Variants in FBXW11 observed in about 807,000 individuals in gnomAD.
FBXW11 encodes F-box/WD repeat-containing protein 11.
Under a neutral mutation model 77.6 loss-of-function variants are expected in FBXW11, and 19 were observed. The observed-to-expected ratio is 0.24, with a 90% CI of 0.17 to 0.36. The LOEUF (loss-of-function observed/expected upper bound fraction) is 0.36. Among genes scored for constraint, FBXW11 ranks in the 10% least tolerant of loss-of-function variants. The pLI is 1.00. For missense variants in FBXW11, 334 were observed against 704.2 expected, an observed-to-expected ratio of 0.47 and a Z score of 5.95; for synonymous variants, 235 against 249.4, an observed-to-expected ratio of 0.94 and a Z score of 0.54.
chr5:171,975,436 T>C (rs986188900), intron 1 of FBXW11, among the ~76,000 whole-genome samples: 7 of 152,176 alleles, frequency 4.6e-5, no homozygotes, highest in African/African-American at 1.4e-4. Context: ...TCAGGCTCTC[T>C]CGAGTGCTGC....
At chr5:171,935,828 G>C (rs1762446675) in intron 2 of FBXW11, among the ~76,000 whole-genome samples, 1 of 152,072 alleles carries the variant, frequency 6.6e-6, no homozygotes, top group Admixed American at 6.6e-5. Context: ...AAACAAGTCT[G>C]AGCCAGGTGT....
intron 1 of FBXW11, among the ~76,000 whole-genome samples, chr5:171,964,677 T>C (rs1236353374): frequency 2.0e-5 from 3 of 152,202 alleles, no homozygotes; most frequent in South Asian, 2.1e-4. Flanking sequence ...TGGCAACCTA[T>C]AAGAAAGAGC....
At chr5:171,988,578 C>A (rs1227304482) in intron 1 of FBXW11, among the ~76,000 whole-genome samples, 10 of 152,188 alleles carry the variant, frequency 6.6e-5, no homozygotes. Context: ...GGCACGGTGG[C>A]TCACGCCTGT....
chr5:171,925,196 C>G (rs1561689378), intron 2 of FBXW11, among the ~76,000 whole-genome samples: 1 of 152,192 alleles, frequency 6.6e-6, no homozygotes, highest in Non-Finnish European at 1.5e-5. Flanking sequence ...CACACACACA[C>G]TAGGTATAAA....
At chr5:171,875,586 A>G (rs941177734) in intron 9 of FBXW11, among the ~76,000 whole-genome samples, 4 of 152,216 alleles carry the variant, frequency 2.6e-5, no homozygotes, top group African/African-American at 9.7e-5. Context: ...AAAATGTTCA[A>G]TCTTATGGCA....
intron 2 of FBXW11, among the ~76,000 whole-genome samples, chr5:171,939,246 A>C (rs1478336518): frequency 2.0e-5 from 3 of 152,106 alleles, no homozygotes; most frequent in Admixed American, 2.0e-4. Flanking sequence ...AAAATAAATA[A>C]ACCAAAAATA....
intron 1 of FBXW11, among the ~76,000 whole-genome samples, chr5:171,986,007 G>T (rs1478001918): frequency 1.3e-5 from 2 of 152,120 alleles, no homozygotes; most frequent in African/African-American, 4.8e-5. Flanking sequence ...GGTCTCATAG[G>T]AGTTACGTAC....
intron 1 of FBXW11, among the ~76,000 whole-genome samples, chr5:171,999,964 T>C (rs1350250886): frequency 6.6e-6 from 1 of 152,226 alleles, no homozygotes; most frequent in Non-Finnish European, 1.5e-5. Context: ...AACTCTTCCA[T>C]CTTTTAGTTT....
chr5:171,960,083 G>A (rs1258497472), intron 1 of FBXW11, among the ~76,000 whole-genome samples: 1 of 152,030 alleles, frequency 6.6e-6, no homozygotes, highest in Non-Finnish European at 1.5e-5. Context: ...GAGAGTTTAA[G>A]GACTACACCT....
chr5:171,884,363 T>C (rs558453826), intron 7 of FBXW11, among the ~76,000 whole-genome samples: 3 of 152,344 alleles, frequency 2.0e-5, no homozygotes, highest in African/African-American at 7.2e-5. Context: ...TATTTGGGTT[T>C]ATTTCTGGGT....
At chr5:171,968,199 G>A (rs147012989) in intron 1 of FBXW11, among the ~76,000 whole-genome samples, 3,681 of 152,226 alleles carry the variant, frequency 0.024, 81 homozygotes, top group African/African-American at 0.058. Context: ...GCTCACGCCT[G>A]TAATCCCAGC....
chr5:171,937,152 C>T lies in FBXW11; in HGVS notation c.147+20445G>A, dbSNP rs1011934783. 3.9e-5 allele frequency among the ~76,000 whole-genome samples: 6 copies of T among 152,188 alleles called. 1 individual carries two copies. The South Asian group carries it at 1.2e-3, about 32-fold the overall frequency. On this transcript the variant is annotated intron_variant, in intron 2 of 13. Coordinates refer to ENST00000517395, the MANE Select transcript of FBXW11 (RefSeq NM_001378974.1). ...AGTTCTCCCTAATTTATAAGTTTAA[C>T]ATTTCCCCAATAACCCCACAAGAAA...
intron 6 of FBXW11, among the ~76,000 whole-genome samples, chr5:171,895,334 G>A (rs1306184789): frequency 6.6e-6 from 1 of 152,202 alleles, no homozygotes; most frequent in East Asian, 1.9e-4. Flanking sequence ...TCTGAGTATG[G>A]AGGAATAACA....
intron 1 of FBXW11, among the ~76,000 whole-genome samples, chr5:171,978,309 A>G (rs547415076): frequency 8.5e-5 from 13 of 152,246 alleles, no homozygotes; most frequent in Non-Finnish European, 1.8e-4. Context: ...AAGGAATATC[A>G]AAGTAAAAGA....
At chr5:171,928,465 C>T (rs1762001732) in intron 2 of FBXW11, among the ~76,000 whole-genome samples, 1 of 152,180 alleles carries the variant, frequency 6.6e-6, no homozygotes, top group African/African-American at 2.4e-5. Flanking sequence ...AAGAATTAAA[C>T]TGGACTTCAA....
intron 2 of FBXW11, among the ~76,000 whole-genome samples, chr5:171,957,176 A>T (rs1234534748): frequency 6.6e-6 from 1 of 152,116 alleles, no homozygotes; most frequent in Non-Finnish European, 1.5e-5. Context: ...TTTTTTGAAG[A>T]GGGGAGAGAA....
At chr5:171,902,977 G>A (rs1377286831) in intron 4 of FBXW11, among the ~76,000 whole-genome samples, 2 of 152,122 alleles carry the variant, frequency 1.3e-5, no homozygotes, top group African/African-American at 2.4e-5. Flanking sequence ...TCTATTCTAA[G>A]CACACTATCC....
At chr5:171,882,984 T>C (rs896257816) in intron 7 of FBXW11, among the ~76,000 whole-genome samples, 1 of 151,852 alleles carries the variant, frequency 6.6e-6, no homozygotes, top group East Asian at 1.9e-4. Flanking sequence ...ATCATTCTTA[T>C]GCATTTGCGT....
At chr5:171,909,444 A>T (rs1007903418) in intron 4 of FBXW11, among the ~76,000 whole-genome samples, 4 of 152,230 alleles carry the variant, frequency 2.6e-5, no homozygotes, top group Non-Finnish European at 4.4e-5. Context: ...AAAATGAATA[A>T]CAGCAAGAGT....
Sources: allele counts gnomAD v4.1 joint callset (sites outside exome capture counted in the v4.1 genomes callset), GRCh38; gene constraint gnomAD v4.1.1; transcripts MANE v1.5; gene names NCBI Gene and HGNC (gene_info 2026-07-23, HGNC 2026-07-21).